The following GRIK2 variants were observed in gnomAD, a reference collection of about 807,000 sequenced individuals.
The protein encoded by GRIK2 is glutamate receptor ionotropic, kainate 2.
In GRIK2, 32 loss-of-function variants were observed where a neutral mutation model predicts 100.3. That is an observed-to-expected ratio of 0.32 (90% CI 0.24 to 0.43). The LOEUF is 0.43. Among genes scored for constraint, GRIK2 ranks in the 20% least tolerant of loss-of-function variants. The pLI, the probability that GRIK2 is intolerant of heterozygous loss-of-function variation, is 1.00. For synonymous variants in GRIK2, 417 were observed against 389.4 expected, an observed-to-expected ratio of 1.07 and a Z score of -0.83; for missense variants, 843 against 1,114.9, an observed-to-expected ratio of 0.76 and a Z score of 3.47.
intron 11 of GRIK2, among the ~76,000 whole-genome samples, chr6:101,867,715 CT>C (rs1318133404): frequency 6.6e-6 from 1 of 151,292 alleles, no homozygotes; most frequent in Non-Finnish European, 1.5e-5. Flanking sequence ...TAAAGAATGT[CT>C]TCTCATGCAG....
intron 2 of GRIK2, among the ~76,000 whole-genome samples, chr6:101,501,782 G>A (rs923868438): frequency 6.6e-6 from 1 of 151,946 alleles, no homozygotes; most frequent in East Asian, 1.9e-4. Context: ...TTCCAAGACA[G>A]GGTCTCACTT....
At chr6:101,546,514 ATTAAATCCCGGTT>A (rs1776242058) in intron 2 of GRIK2, among the ~76,000 whole-genome samples, 1 of 152,204 alleles carries the variant, frequency 6.6e-6, no homozygotes, top group African/African-American at 2.4e-5. Flanking sequence ...AACTGAAGGT[ATTAAATCCCGGTT>A]TCACACTTAT....
At chr6:101,641,533 C>A (rs1226894390) in intron 4 of GRIK2, among the ~76,000 whole-genome samples, 2 of 151,618 alleles carry the variant, frequency 1.3e-5, no homozygotes, top group Non-Finnish European at 2.9e-5. Context: ...AAATGATGAG[C>A]TTTTTTTTCT....
chr6:101,729,811 T>C (rs1775134681), intron 7 of GRIK2, among the ~76,000 whole-genome samples: 1 of 151,944 alleles, frequency 6.6e-6, no homozygotes, highest in Admixed American at 6.6e-5. Context: ...AATAGATTTG[T>C]CTAACAATAT....
intron 14 of GRIK2, among the ~76,000 whole-genome samples, chr6:102,000,259 G>A (rs2114256121): frequency 7.3e-6 from 1 of 137,672 alleles, no homozygotes; most frequent in East Asian, 2.3e-4. Flanking sequence ...TGGGCATAGA[G>A]TTTTCTTTGT....
rs145006363 is a variant in GRIK2 at position 101,579,118 on chromosome 6, T to TCACA, written c.116-42817_116-42814dup. ...AAAAGCACATAGTAAATGCCTGATG[T>TCACA]CACACACACACACACACTCCCTTGA... On this transcript the variant is annotated intron_variant, in intron 2 of 16. Coordinates refer to ENST00000369134, the MANE Select transcript of GRIK2 (RefSeq NM_021956.5). Among the ~76,000 whole-genome samples, 20 of 151,158 alleles carry TCACA rather than the reference T, an allele frequency of 1.3e-4. 1 individual carries two copies. The highest frequency in any genetic ancestry group is 1.3e-3 in the South Asian group (6 of 4,790).
chr6:101,537,431 TGTGTGTGTGTTTGTGTGTGTGTGC>T (rs1031377016), intron 2 of GRIK2, among the ~76,000 whole-genome samples: 1 of 111,088 alleles, frequency 9.0e-6, no homozygotes, highest in African/African-American at 3.5e-5. Flanking sequence ...TGTGTGTTTG[TGTGTGTGTGTTTGTGTGTGTGTGC>T]GTGTGTGTGT....
At chr6:101,986,023 G>A (rs1793997041) in intron 14 of GRIK2, among the ~76,000 whole-genome samples, 1 of 151,710 alleles carries the variant, frequency 6.6e-6, no homozygotes, top group African/African-American at 2.4e-5. Context: ...TATGCCACAT[G>A]CATTTTATAC....
chr6:101,672,788 T>A (rs1035939746), intron 4 of GRIK2, among the ~76,000 whole-genome samples: 8 of 152,214 alleles, frequency 5.3e-5, no homozygotes, highest in Admixed American at 5.2e-4. Flanking sequence ...CTCATTTTTA[T>A]GGCTGTGTAG....
At chr6:101,647,649 A>G (rs904299659) in intron 4 of GRIK2, among the ~76,000 whole-genome samples, 2 of 152,076 alleles carry the variant, frequency 1.3e-5, no homozygotes, top group Non-Finnish European at 2.9e-5. Flanking sequence ...GCATAATGTC[A>G]TAAAAATGTA....
At chr6:101,657,269 G>A (rs546720636) in intron 4 of GRIK2, among the ~76,000 whole-genome samples, 4 of 152,260 alleles carry the variant, frequency 2.6e-5, no homozygotes, top group African/African-American at 9.6e-5. Flanking sequence ...GTTCTCACAA[G>A]ATCTGATATT....
At chr6:101,835,733 G>T (rs555262902) in intron 10 of GRIK2, among the ~76,000 whole-genome samples, 1 of 147,444 alleles carries the variant, frequency 6.8e-6, no homozygotes, top group East Asian at 2.0e-4. Flanking sequence ...CCAAAGTGCT[G>T]GGATTACAGC....
At chr6:101,503,322 G>C (rs1773861819) in intron 2 of GRIK2, among the ~76,000 whole-genome samples, 1 of 152,098 alleles carries the variant, frequency 6.6e-6, no homozygotes, top group Admixed American at 6.6e-5. Context: ...AGATAGTGTA[G>C]ACTACTCCTT....
intron 4 of GRIK2, among the ~76,000 whole-genome samples, chr6:101,663,684 A>T (rs1000763709): frequency 6.6e-6 from 1 of 152,234 alleles, no homozygotes; most frequent in Admixed American, 6.5e-5. Flanking sequence ...ATATTACCAA[A>T]TTCTGCACAC....
At chr6:101,864,276 A>G (rs1784920335) in intron 11 of GRIK2, among the ~76,000 whole-genome samples, 1 of 152,212 alleles carries the variant, frequency 6.6e-6, no homozygotes, top group Non-Finnish European at 1.5e-5. Flanking sequence ...AGGAGACACA[A>G]CAGAAGGAAA....
chr6:101,453,127 A>G (rs1005569091), intron 2 of GRIK2, among the ~76,000 whole-genome samples: 1 of 151,880 alleles, frequency 6.6e-6, no homozygotes, highest in African/African-American at 2.4e-5. Flanking sequence ...TCTCCAATAG[A>G]TAATGTTATT....
intron 2 of GRIK2, among the ~76,000 whole-genome samples, chr6:101,533,026 CAAAAT>C (rs917489299): frequency 9.9e-5 from 15 of 151,910 alleles, no homozygotes; most frequent in African/African-American, 3.6e-4. Flanking sequence ...ATATTTAAAA[CAAAAT>C]GAACAATTAG....
chr6:101,841,812 A>G (rs987678801), intron 10 of GRIK2, among the ~76,000 whole-genome samples: 1 of 151,976 alleles, frequency 6.6e-6, no homozygotes, highest in Non-Finnish European at 1.5e-5. Flanking sequence ...TATGAACTAC[A>G]TACCCTACCA....
At chr6:101,711,753 A>G (rs1273292316) in intron 7 of GRIK2, among the ~76,000 whole-genome samples, 1 of 151,852 alleles carries the variant, frequency 6.6e-6, no homozygotes, top group Non-Finnish European at 1.5e-5. Flanking sequence ...GTTAAGGTCT[A>G]AACTGAAAGT....
Sources: gnomAD v4.1 joint callset for allele counts (sites outside exome capture counted in the v4.1 genomes callset) on GRCh38, gnomAD v4.1.1 for gene constraint, MANE v1.5 for transcripts, NCBI Gene and HGNC (gene_info 2026-07-23, HGNC 2026-07-21) for gene names.